The following CXorf58 variants were observed in gnomAD, a reference collection of about 807,000 sequenced individuals.
CXorf58 encodes the protein uncharacterized protein CXorf58.
In CXorf58, 24 loss-of-function variants were observed where a neutral mutation model predicts 26.0. The ratio of observed to expected loss-of-function variants is 0.92; its 90% confidence interval spans 0.67 to 1.30. The LOEUF is 1.30. Among genes scored for constraint, CXorf58 ranks in the 50% most tolerant of loss-of-function variants. The pLI is 0.00. For synonymous variants in CXorf58, 87 were observed against 86.1 expected (o/e 1.01, Z -0.06); for missense variants, 236 against 263.9 (o/e 0.89, Z 0.73).
intron 5 of CXorf58, among the ~76,000 whole-genome samples, chrX:23,918,916 CT>C (rs1927795396): frequency 8.9e-6 from 1 of 112,328 alleles, no homozygotes; most frequent in Admixed American, 9.5e-5. Flanking sequence ...GCCTGTAAGG[CT>C]TCCAATGAGA....
At chrX:23,931,362 C>T (rs1036833455) in intron 6 of CXorf58, among the ~76,000 whole-genome samples, 2 of 111,980 alleles carry the variant, frequency 1.8e-5, no homozygotes, top group East Asian at 5.6e-4. Flanking sequence ...AGTCCTTATA[C>T]GGGTGTGGCA....
chrX:23,920,378 T>G (rs904973817), intron 5 of CXorf58, among the ~76,000 whole-genome samples: 1 of 112,311 alleles, frequency 8.9e-6, no homozygotes. Flanking sequence ...TCTGTAACCC[T>G]GGCAAGATCC....
chrX:23,921,229 A>C (rs1201975951), intron 5 of CXorf58, among the ~76,000 whole-genome samples: 1 of 111,211 alleles, frequency 9.0e-6, no homozygotes, highest in Non-Finnish European at 1.9e-5. Flanking sequence ...ATGCATTAAA[A>C]CCCATCATAA....
chrX:23,935,691 G>C (rs896439315), intron 7 of CXorf58, among the ~76,000 whole-genome samples: 2 of 111,451 alleles, frequency 1.8e-5, no homozygotes, highest in African/African-American at 6.5e-5. Flanking sequence ...ACCATAGAGT[G>C]GAGATGCTGG....
At chrX:23,928,789 T>G (rs1928081059) in intron 6 of CXorf58, among the ~76,000 whole-genome samples, 1 of 111,399 alleles carries the variant, frequency 9.0e-6, no homozygotes, top group African/African-American at 3.3e-5. Context: ...TATCTCTCTC[T>G]TTCCCCTCTG....
intron 1 of CXorf58, among the ~76,000 whole-genome samples, chrX:23,909,216 G>A (rs1223360143): frequency 8.9e-6 from 1 of 112,312 alleles, no homozygotes; most frequent in African/African-American, 3.2e-5. Context: ...TAGGGCAGAA[G>A]TTCTTAATTC....
Position 23,938,596 on chromosome X carries a change from A to T in CXorf58, c.835A>T (p.Asn279Tyr). 1 of 1,197,170 alleles carries T rather than the reference A, an allele frequency of 8.4e-7. No individual in the cohort carries two copies. The highest frequency in any genetic ancestry group is 1.1e-6 in the Non-Finnish European group (1 of 887,467). ...QPLYRPYKQQ[N>Y]QVKFLGRRSK... ...TCTATATCGGCCCTACAAACAGCAA[A>T]ATCAAGTTAAATTTCTGGGTCGTCG... Residue 279 changes from asparagine to tyrosine, a missense_variant, in exon 8 of 9, where the codon AAT (asparagine) becomes TAT (tyrosine). Physicochemically the swap from Asn to Tyr is moderately radical, Grantham distance 143. Coordinates refer to ENST00000379211, the MANE Select transcript of CXorf58 (RefSeq NM_152761.3).
chrX:23,935,193 C>G lies in CXorf58; in HGVS notation c.556-3C>G. 1 of 1,196,627 alleles carries G rather than the reference C, an allele frequency of 8.4e-7. No individual in the cohort carries two copies. The highest frequency in any genetic ancestry group is 2.3e-4 in the Middle Eastern group (1 of 4,303). On this transcript the variant is annotated splice_polypyrimidine_tract_variant and splice_region_variant and intron_variant, in intron 6 of 8. Coordinates refer to ENST00000379211, the MANE Select transcript of CXorf58 (RefSeq NM_152761.3). ...CTTAATCGTTCTTGTTTTTTCCCTA[C>G]AGTATCGCAGTTTTTTCGATGAGGC...
At chrX:23,927,726 T>C (rs1928051602) in intron 6 of CXorf58, among the ~76,000 whole-genome samples, 1 of 111,239 alleles carries the variant, frequency 9.0e-6, no homozygotes, top group Non-Finnish European at 1.9e-5. Flanking sequence ...TAGTTATGTT[T>C]CCTGATCCTC....
intron 1 of CXorf58, among the ~76,000 whole-genome samples, chrX:23,909,057 C>T (rs1927497282): frequency 9.0e-6 from 1 of 111,241 alleles, no homozygotes; most frequent in African/African-American, 3.3e-5. Flanking sequence ...AGCTTAGCTC[C>T]CAGATGTTAA....
At chrX:23,939,120 T>C in intron 8 of CXorf58, 124 bp from the exon 9 acceptor site, 1 of 463,056 alleles carries the variant, frequency 2.2e-6, no homozygotes, top group Non-Finnish European at 3.7e-6. Flanking sequence ...ATGTTATTAC[T>C]TTGTAATTTA....
chrX:23,929,405 C>CAAAAAAAAAAAAAAAA (rs1169185534), intron 6 of CXorf58, among the ~76,000 whole-genome samples: 2 of 36,405 alleles, frequency 5.5e-5, no homozygotes, highest in Non-Finnish European at 1.2e-4. Flanking sequence ...GACTGTGTCT[C>CAAAAAAAAAAAAAAAA]AAAAAAAAAA....
intron 6 of CXorf58, among the ~76,000 whole-genome samples, chrX:23,933,567 C>CTGT (rs773925317): frequency 0.015 from 1,630 of 111,099 alleles, 30 homozygotes; most frequent in African/African-American, 0.049. Flanking sequence ...ACAGCCTGGG[C>CTGT]AACATAGTGA....
At chrX:23,922,030 T>C (rs1353948875) in intron 5 of CXorf58, among the ~76,000 whole-genome samples, 1 of 111,166 alleles carries the variant, frequency 9.0e-6, no homozygotes, top group African/African-American at 3.3e-5. Flanking sequence ...CATTACTCTA[T>C]TTAATTATCA....
At chrX:23,928,429 C>T (rs1359566735) in intron 6 of CXorf58, among the ~76,000 whole-genome samples, 3 of 111,001 alleles carry the variant, frequency 2.7e-5, no homozygotes, top group Non-Finnish European at 5.7e-5. Flanking sequence ...GTGATCTGCC[C>T]GTCTCGGCCT....
rs761636655 is a variant in CXorf58, at chrX:23,939,333, A to G, written c.*30A>G. ...GTGAAAACTAAGGAATCTATGTCAG[A>G]GTGTCAGCTGGAAAAAGAAAAAAGG... is the stretch of plus-strand genomic sequence containing the variant. On this transcript the variant is annotated 3_prime_UTR_variant, in exon 9 of 9. Coordinates refer to ENST00000379211, the MANE Select transcript of CXorf58 (RefSeq NM_152761.3). The G allele has an allele frequency of 1.0e-5, 11 of 1,053,329 alleles. No individual in the cohort carries two copies. The Admixed American group carries it at 2.7e-4, about 26-fold the overall frequency. The allele number at this position is 1,053,329 out of a possible 1,213,427, so 86.8% of individuals were successfully genotyped here.
chrX:23,924,789 A>G (rs1373290149), intron 5 of CXorf58, among the ~76,000 whole-genome samples: 9 of 111,145 alleles, frequency 8.1e-5, no homozygotes, highest in Non-Finnish European at 1.1e-4. Context: ...CATTATGCAC[A>G]TGTACCCTAA....
At chrX:23,912,162 A>G (rs1927600404) in intron 3 of CXorf58, among the ~76,000 whole-genome samples, 1 of 110,844 alleles carries the variant, frequency 9.0e-6, no homozygotes, top group Admixed American at 9.6e-5. Context: ...CATGTTAGCC[A>G]GGATGATCTC....
At chrX:23,909,247 T>C (rs1406579699) in intron 1 of CXorf58, among the ~76,000 whole-genome samples, 1 of 111,826 alleles carries the variant, frequency 8.9e-6, no homozygotes, top group Non-Finnish European at 1.9e-5. Flanking sequence ...TGAACTTGTA[T>C]GGGGGAAAAA....
Sources: allele counts gnomAD v4.1 joint callset (sites outside exome capture counted in the v4.1 genomes callset), GRCh38; gene constraint gnomAD v4.1.1; transcripts MANE v1.5; gene names NCBI Gene and HGNC (gene_info 2026-07-23, HGNC 2026-07-21).